The following ARSB variants were observed in gnomAD, a reference collection of about 807,000 sequenced individuals.
ARSB encodes the protein N-acetylgalactosamine-4-sulfatase.
Under a neutral mutation model 50.9 loss-of-function variants are expected in ARSB, and 41 were observed. That is an observed-to-expected ratio of 0.81 (90% CI 0.63 to 1.04). The LOEUF (loss-of-function observed/expected upper bound fraction) is 1.04, where lower values mean the gene tolerates loss of function less well. Ranked by LOEUF, ARSB falls within the 50% of genes least tolerant of loss-of-function variation. The pLI is 0.00. For synonymous variants in ARSB, 269 were observed against 284.8 expected (o/e 0.94, Z 0.56); for missense variants, 672 against 693.3 (o/e 0.97, Z 0.35).
At chr5:78,972,516 TAC>T (rs59035274) in intron 1 of ARSB, among the ~76,000 whole-genome samples, 293 of 145,610 alleles carry the variant, frequency 2.0e-3, no homozygotes, top group East Asian at 3.6e-3. Flanking sequence ...CACGCATACG[TAC>T]ACACACACAC....
intron 3 of ARSB, among the ~76,000 whole-genome samples, chr5:78,956,302 AT>A (rs781245369): frequency 8.5e-5 from 13 of 152,170 alleles, no homozygotes; most frequent in Admixed American, 2.6e-4. Flanking sequence ...TTTATATGAA[AT>A]TCCAGAAATA....
chr5:78,828,877 A>C (rs1744552905), intron 6 of ARSB, among the ~76,000 whole-genome samples: 2 of 152,226 alleles, frequency 1.3e-5, no homozygotes, highest in Non-Finnish European at 2.9e-5. Context: ...GTGATTCTAG[A>C]TTATTTATCC....
intron 4 of ARSB, among the ~76,000 whole-genome samples, chr5:78,942,507 A>G (rs1280131767): frequency 6.6e-6 from 1 of 152,196 alleles, no homozygotes; most frequent in Admixed American, 6.5e-5. Context: ...GGTTTCAAAG[A>G]ACATCTTTAT....
chr5:78,874,905 T>A (rs1348131866), intron 5 of ARSB, among the ~76,000 whole-genome samples: 1 of 151,752 alleles, frequency 6.6e-6, no homozygotes, highest in Non-Finnish European at 1.5e-5. Flanking sequence ...GCCCAGGAGT[T>A]TGAGACCAGC....
In ARSB at chr5:78,906,168, T is replaced by A. The variant is rs557262558; in HGVS notation, c.899-20341A>T. ...CCAATCGCTAACCAAACATAAAAAA[T>A]TAAAAAAAAAAAAAATTAGCCAAGT... On this transcript the variant is annotated intron_variant, in intron 4 of 7. Transcript: ENST00000264914. Among the ~76,000 whole-genome samples the A allele has an allele frequency of 1.4e-3, 196 of 136,580 alleles. 5 individuals carry two copies. The South Asian group carries it at 0.028, about 20-fold the overall frequency. 89.6% of individuals were successfully genotyped at this position (136,580 alleles called of 152,430 possible).
chr5:78,831,869 C>T (rs147650085), intron 6 of ARSB, among the ~76,000 whole-genome samples: 396 of 152,248 alleles, frequency 2.6e-3, no homozygotes, highest in African/African-American at 9.1e-3. Context: ...TGTGTCACTA[C>T]TTCTCTAATA....
chr5:78,844,262 T>C (rs1233841089), intron 5 of ARSB, among the ~76,000 whole-genome samples: 1 of 152,216 alleles, frequency 6.6e-6, no homozygotes. Flanking sequence ...TGATATCTCA[T>C]TGCGATTTGA....
At chr5:78,794,280 G>C (rs529420244) in intron 6 of ARSB, among the ~76,000 whole-genome samples, 2 of 151,898 alleles carry the variant, frequency 1.3e-5, no homozygotes, top group African/African-American at 2.4e-5. Flanking sequence ...AACCCACCAG[G>C]GTTCTTGGCT....
chr5:78,816,527 G>A (rs1019102319), intron 6 of ARSB, among the ~76,000 whole-genome samples: 1 of 152,170 alleles, frequency 6.6e-6, no homozygotes, highest in African/African-American at 2.4e-5. Context: ...TGTTACTCCT[G>A]AGATTATGTT....
In ARSB at chr5:78,944,372, A is replaced by C. The variant is rs937420066; in HGVS notation, c.898+10923T>G. ...AGGCACTCTGATTTTTAGAATTTTC[A>C]GTTTTTCTGCTCTGTTTTTTCCCCA... On this transcript the variant is annotated intron_variant, in intron 4 of 7. Coordinates refer to ENST00000264914, the MANE Select transcript of ARSB (RefSeq NM_000046.5). 3.3e-5 allele frequency among the ~76,000 whole-genome samples: 5 copies of C among 152,034 alleles called. No homozygotes were observed. In the South Asian group the frequency reaches 6.2e-4, roughly 19 times the overall value.
intron 6 of ARSB, among the ~76,000 whole-genome samples, chr5:78,790,729 T>A (rs1749213438): frequency 6.6e-6 from 1 of 152,146 alleles, no homozygotes; most frequent in South Asian, 2.1e-4. Context: ...TATAATATAG[T>A]TTCATTTTCT....
chr5:78,925,652 A>G (rs1011838244), intron 4 of ARSB, among the ~76,000 whole-genome samples: 6 of 152,232 alleles, frequency 3.9e-5, no homozygotes, highest in Admixed American at 1.3e-4. Context: ...TCAGAACAGT[A>G]TGTTCTGTCG....
chr5:78,784,344 G>A (rs765957773), intron 6 of ARSB, among the ~76,000 whole-genome samples: 97 of 151,994 alleles, frequency 6.4e-4, no homozygotes, highest in Non-Finnish European at 1.1e-3. Context: ...AAAGGAAATC[G>A]GTATACTAAA....
At chr5:78,879,943 T>C (rs1373054148) in intron 5 of ARSB, among the ~76,000 whole-genome samples, 1 of 150,644 alleles carries the variant, frequency 6.6e-6, no homozygotes, top group Non-Finnish European at 1.5e-5. Context: ...TCTTGAAATG[T>C]ATGATCAAAC....
Position 78,955,397 on chromosome 5 carries a change from A to G in ARSB, c.796T>C (p.Tyr266His). 1 of 1,614,202 alleles carries G rather than the reference A, an allele frequency of 6.2e-7. No homozygotes were observed. The highest frequency in any genetic ancestry group is 8.5e-7 in the Non-Finnish European group (1 of 1,180,022). ...TCCATAAGGGACACCATTCCTGCAT[A>G]GTGATGCCTGTTCTTGTCTTGGATA... ...DFIQDKNRHH[Y>H]AGMVSLMDEA... The change falls in exon 4 of 8, where the codon TAT becomes CAT. Residue 266 changes from tyrosine (Y) to histidine (H), a missense_variant. Transcript: ENST00000264914.
intron 5 of ARSB, among the ~76,000 whole-genome samples, chr5:78,875,104 C>T (rs1015137458): frequency 3.9e-5 from 6 of 152,184 alleles, no homozygotes; most frequent in Admixed American, 3.3e-4. Context: ...CAAATTGAGA[C>T]CTTGTCTCTG....
intron 5 of ARSB, among the ~76,000 whole-genome samples, chr5:78,875,671 A>ATT (rs201026431): frequency 1.4e-5 from 2 of 145,174 alleles, no homozygotes; most frequent in African/African-American, 2.6e-5. Flanking sequence ...TTATATTATT[A>ATT]TTATTTTTTT....
At chr5:78,808,470 C>T (rs559486244) in intron 6 of ARSB, among the ~76,000 whole-genome samples, 1 of 152,240 alleles carries the variant, frequency 6.6e-6, no homozygotes, top group African/African-American at 2.4e-5. Flanking sequence ...TCTGACTCCA[C>T]ATGGTTTTTA....
At chr5:78,901,903 C>G (rs1245581841) in intron 4 of ARSB, among the ~76,000 whole-genome samples, 2 of 152,218 alleles carry the variant, frequency 1.3e-5, no homozygotes, top group African/African-American at 2.4e-5. Context: ...CGTGGAGAAA[C>G]TGGAACACTC....
Sources: gnomAD v4.1 joint callset for allele counts (sites outside exome capture counted in the v4.1 genomes callset) on GRCh38, gnomAD v4.1.1 for gene constraint, MANE v1.5 for transcripts, NCBI Gene and HGNC (gene_info 2026-07-23, HGNC 2026-07-21) for gene names.